Variants in ZNF14 observed in about 807,000 individuals in gnomAD.
The protein encoded by ZNF14 is zinc finger protein 14, also known as gonadotropin inducible transcription repressor-4.
ZNF14 carries 9 observed loss-of-function variants against 11.3 expected under a neutral mutation model. The observed-to-expected ratio is 0.80, with a 90% CI of 0.48 to 1.39. The LOEUF is 1.39. ZNF14 is among the 40% of genes most tolerant of loss of function. The pLI is 0.00. For synonymous variants in ZNF14, 239 were observed against 245.7 expected (o/e 0.97, Z 0.25); for missense variants, 711 against 763.9 (o/e 0.93, Z 0.82).
rs199918050 is a variant in ZNF14 at position 19,712,672 on chromosome 19, T to C, written c.609A>G (p.Gly203=). The C allele has an allele frequency of 5.9e-5, 95 of 1,613,816 alleles. No individual in the cohort carries two copies. Among genetic ancestry groups the C allele is most frequent in the Non-Finnish European group, 7.8e-5 (92 of 1,179,980 alleles). ...AAGACTGGTAATATATAAAGGTTTTTCCACATTGCTTACATTCATAGGGTT... is the reference window on the plus strand; with the variant it reads ...AAGACTGGTAATATATAAAGGTTTTCCCACATTGCTTACATTCATAGGGTT... ...GQKPYECKQC[G]KTFIYYQSFQ... is the part of the protein sequence containing the mutation. The change falls in exon 4 of 4, where the codon GGA becomes GGG. Residue 203 remains glycine, a synonymous_variant. Coordinates refer to ENST00000344099, the MANE Select transcript of ZNF14 (RefSeq NM_021030.3).
At chr19:19,728,297 C>T (rs946500694) in intron 1 of ZNF14, among the ~76,000 whole-genome samples, 3 of 130,360 alleles carry the variant, frequency 2.3e-5, no homozygotes, top group Non-Finnish European at 5.1e-5. Flanking sequence ...GTGGGTGGAT[C>T]ACAAGGTCAG....
Position 19,724,682 on chromosome 19 carries a change from G to A in ZNF14, c.3+8274C>T, listed in dbSNP as rs2062401977. On this transcript the variant is annotated intron_variant, in intron 1 of 3. Coordinates refer to ENST00000344099, the MANE Select transcript of ZNF14 (RefSeq NM_021030.3). ...ATCTGTCTAATGTTGACAGTGGGGTGTTAAAGTCTCCCATTATTATTGTGT... is the reference window on the plus strand; with the variant it reads ...ATCTGTCTAATGTTGACAGTGGGGTATTAAAGTCTCCCATTATTATTGTGT... 2.3e-5 allele frequency among the ~76,000 whole-genome samples: 3 copies of A among 133,212 alleles called. 1 individual carries two copies. The South Asian group carries it at 7.3e-4, about 33-fold the overall frequency. The allele number at this position is 133,212 out of a possible 152,430, so 87.4% of individuals were successfully genotyped here. A position where few individuals can be genotyped will look rare whatever the true frequency, so the allele number is the denominator to read the frequency against.
chr19:19,721,064 C>T (rs938574831), intron 1 of ZNF14, among the ~76,000 whole-genome samples: 2 of 152,138 alleles, frequency 1.3e-5, no homozygotes, highest in African/African-American at 4.8e-5. Context: ...TTCAAGTGAT[C>T]CTCCTGCCTC....
intron 3 of ZNF14, 119 bp downstream of exon 3, chr19:19,713,972 A>T (rs1002523730): frequency 1.0e-6 from 1 of 959,948 alleles, no homozygotes; most frequent in African/African-American, 1.7e-5. Flanking sequence ...GTTTTTAAGA[A>T]AACATTTTCA....
Position 19,711,345 on chromosome 19 carries a change from T to C in ZNF14, c.*7A>G. The stretch of plus-strand genomic sequence containing the variant: ...CAACCGAAGGCTTCAGAATGTTGCT[T>C]ATATTCTTAGACTTTCTCTCCCATA... On this transcript the variant is annotated 3_prime_UTR_variant, in exon 4 of 4. Transcript: ENST00000344099. The C allele has an allele frequency of 1.3e-6, 2 of 1,536,188 alleles. No homozygotes were observed. Among genetic ancestry groups the C allele is most frequent in the Non-Finnish European group, 1.7e-6 (2 of 1,147,242 alleles).
intron 1 of ZNF14, among the ~76,000 whole-genome samples, chr19:19,719,988 G>A (rs188956350): frequency 2.0e-5 from 3 of 152,252 alleles, no homozygotes; most frequent in Non-Finnish European, 4.4e-5. Context: ...AGTGACACAG[G>A]GGCATTATGT....
Position 19,712,558 on chromosome 19 carries a change from G to A in ZNF14, c.723C>T (p.His241=), listed in dbSNP as rs759601134. 3 of 1,612,750 alleles carry A rather than the reference G, an allele frequency of 1.9e-6. No individual in the cohort carries two copies. The highest frequency in any genetic ancestry group is 1.3e-5 in the African/African-American group (1 of 74,858). ...AFICYQSFQR[H]KRTHTGEKPY... ...GTTTCTCTCCAGTGTGAGTCCTTTT[G>A]TGTCTTTGAAAAGATTGGTAACATA... The change falls in exon 4 of 4, where the codon CAC becomes CAT. Residue 241 remains histidine (H), a synonymous_variant. Transcript: ENST00000344099.
intron 1 of ZNF14, among the ~76,000 whole-genome samples, chr19:19,722,796 C>T (rs1487451603): frequency 2.0e-5 from 3 of 152,160 alleles, no homozygotes; most frequent in Non-Finnish European, 4.4e-5. Context: ...TTGAAGAGGT[C>T]CTTCACATCC....
At chr19:19,716,857 C>G (rs945091075) in intron 1 of ZNF14, among the ~76,000 whole-genome samples, 1 of 152,026 alleles carries the variant, frequency 6.6e-6, no homozygotes, top group Non-Finnish European at 1.5e-5. Context: ...CTTAAGAAGA[C>G]CTGTTCTCAA....
At position 19,712,406 on chromosome 19, in the gene ZNF14, C is replaced by T. The variant is rs776113953; in HGVS notation, c.875G>A (p.Ser292Asn). 48 of 1,609,674 alleles carry T rather than the reference C, an allele frequency of 3.0e-5. No homozygotes were observed. The highest frequency in any genetic ancestry group is 3.4e-5 in the Non-Finnish European group (40 of 1,178,812). The change falls in exon 4 of 4, where the codon AGT (serine) becomes AAT (asparagine). Residue 292 changes from serine to asparagine, a missense_variant. Ser to Asn is a conservative substitution (Grantham distance 46). Coordinates refer to ENST00000344099, the MANE Select transcript of ZNF14 (RefSeq NM_021030.3). Reference protein sequence around the residue: ...KECGKAFSFLSSFRRHKRTHS... With the variant: ...KECGKAFSFLNSFRRHKRTHS... ...AGTCCTTTTATGCCTTCGAAAAGAA[C>T]TGAGAAAACTGAAGGCTTTACCACA...
intron 1 of ZNF14, among the ~76,000 whole-genome samples, chr19:19,730,346 A>T (rs1022941707): frequency 4.6e-5 from 7 of 152,226 alleles, no homozygotes; most frequent in African/African-American, 1.7e-4. Flanking sequence ...ATTTAAGGGC[A>T]GGGTTTGATT....
intron 1 of ZNF14, among the ~76,000 whole-genome samples, chr19:19,731,892 C>T (rs983305942): frequency 6.6e-6 from 1 of 152,100 alleles, no homozygotes. Flanking sequence ...ACGGTGAAAC[C>T]CCGTCTCTAC....
rs753475375 is a variant in ZNF14, at chr19:19,714,094, C to T, written c.188G>A (p.Arg63Gln). The T allele has an allele frequency of 6.8e-6, 11 of 1,612,980 alleles. No individual in the cohort carries two copies. The highest frequency in any genetic ancestry group is 4.5e-5 in the East Asian group (2 of 44,872). The change falls in exon 3 of 4, where the codon CGA becomes CAA. Residue 63 changes from arginine (R) to glutamine (Q), a missense_variant. Physicochemically the swap from Arg to Gln is conservative, Grantham distance 43. Coordinates refer to ENST00000344099, the MANE Select transcript of ZNF14 (RefSeq NM_021030.3). Reference protein sequence around the residue: ...EDDHRNQGKNRRCHMVERLCE... With the variant: ...EDDHRNQGKNQRCHMVERLCE... ...TTTTTCTGTGGATGCAACTCACCTT[C>T]GATTTTTCCCCTGGTTTCTGTGGTC...
At chr19:19,724,820 C>G (rs2062402438) in intron 1 of ZNF14, among the ~76,000 whole-genome samples, 1 of 133,196 alleles carries the variant, frequency 7.5e-6, no homozygotes, top group African/African-American at 2.8e-5. Flanking sequence ...GAATTGATCC[C>G]TTTACCATTA....
rs773572810 is a variant in ZNF14, at chr19:19,712,525, T to C, written c.756A>G (p.Glu252=). 1 of 1,613,534 alleles carries C rather than the reference T, an allele frequency of 6.2e-7. No homozygotes were observed. The highest frequency in any genetic ancestry group is 8.5e-7 in the Non-Finnish European group (1 of 1,179,874). The change falls in exon 4 of 4, where the codon GAA becomes GAG. Residue 252 remains glutamate, a synonymous_variant. Coordinates refer to ENST00000344099, the MANE Select transcript of ZNF14 (RefSeq NM_021030.3). The stretch of plus-strand genomic sequence containing the variant: ...TGAAAGCCTTACCACATTGCTTACA[T>C]TCATAGGGTTTCTCTCCAGTGTGAG... The part of the protein sequence containing the change: ...KRTHTGEKPY[E]CKQCGKAFSC...
intron 1 of ZNF14, among the ~76,000 whole-genome samples, chr19:19,731,327 C>A (rs247777): frequency 0.19 from 29,581 of 152,050 alleles, 2,998 homozygotes; most frequent in Middle Eastern, 0.25. Context: ...GTAATCCCAG[C>A]ACTTTGGGAG....
At chr19:19,714,715 T>C (rs2062373060) in intron 1 of ZNF14, among the ~76,000 whole-genome samples, 1 of 145,064 alleles carries the variant, frequency 6.9e-6, no homozygotes, top group Non-Finnish European at 1.5e-5. Flanking sequence ...TTCTTTTTCT[T>C]TTTTTTTTTT....
chr19:19,711,711 T>C lies in ZNF14; in HGVS notation c.1570A>G (p.Ile524Val), dbSNP rs1464230401. The change falls in exon 4 of 4, where the codon ATT becomes GTT. Residue 524 changes from isoleucine to valine, a missense_variant. Coordinates refer to ENST00000344099, the MANE Select transcript of ZNF14 (RefSeq NM_021030.3). The stretch of plus-strand genomic sequence containing the variant: ...TCAAAAGGCTTATTTCCAGTGTGAA[T>C]TTTTTCATGTTCTCGAAGGGAACTT... ...FSSSLREHEK[I>V]HTGNKPFECK... 18 of 1,614,038 alleles carry C rather than the reference T, an allele frequency of 1.1e-5. No individual in the cohort carries two copies. Among genetic ancestry groups the C allele is most frequent in the Non-Finnish European group, 1.5e-5 (18 of 1,180,034 alleles).
chr19:19,727,857 G>A (rs1411264588), intron 1 of ZNF14, among the ~76,000 whole-genome samples: 2 of 133,920 alleles, frequency 1.5e-5, no homozygotes, highest in Non-Finnish European at 3.3e-5. Context: ...CCAATGGACA[G>A]CACACATAAT....
Sources: allele counts gnomAD v4.1 joint callset (sites outside exome capture counted in the v4.1 genomes callset), GRCh38; gene constraint gnomAD v4.1.1; transcripts MANE v1.5; gene names NCBI Gene and HGNC (gene_info 2026-07-23, HGNC 2026-07-21).